The following CSMD2 variants were observed in gnomAD, a reference collection of about 807,000 sequenced individuals.
CSMD2 encodes the protein CUB and Sushi multiple domains 2.
Under a neutral mutation model 398.5 loss-of-function variants are expected in CSMD2, and 130 were observed. That is an observed-to-expected ratio of 0.33 (90% CI 0.28 to 0.38). CSMD2 has a LOEUF of 0.38. Among genes scored for constraint, CSMD2 ranks in the 10% least tolerant of loss-of-function variants. CSMD2 has a pLI of 1.00. For synonymous variants in CSMD2, 1,828 were observed against 1,908.5 expected (o/e 0.96, Z 1.10); for missense variants, 3,829 against 4,764.9 (o/e 0.80, Z 5.78).
chr1:33,701,369 A>G (rs1269748819), intron 22 of CSMD2, among the ~76,000 whole-genome samples: 2 of 152,210 alleles, frequency 1.3e-5, no homozygotes, highest in Non-Finnish European at 2.9e-5. Context: ...TAGTACCAGC[A>G]AAGACAACAA....
chr1:33,564,547 G>C (rs181260220), intron 53 of CSMD2, among the ~76,000 whole-genome samples: 4 of 152,314 alleles, frequency 2.6e-5, no homozygotes, highest in African/African-American at 7.2e-5. Context: ...ATCTGAAAGA[G>C]TGACTGAATA....
At position 33,972,126 on chromosome 1, in the gene CSMD2, C is replaced by T. The variant is rs529558259; in HGVS notation, c.518-36172G>A. Among the ~76,000 whole-genome samples the T allele has an allele frequency of 1.3e-4, 20 of 152,166 alleles. No homozygotes were observed. The South Asian group carries it at 4.2e-3, about 32-fold the overall frequency. ...GGTGGGAAACTGCAGAAACGGACTC[C>T]CTGGGGACTTCTGGACAGCAGAGGG... On this transcript the variant is annotated intron_variant, in intron 3 of 70. Coordinates refer to ENST00000373381, the MANE Select transcript of CSMD2 (RefSeq NM_001281956.2).
At chr1:33,609,336 G>A (rs1282294249) in intron 41 of CSMD2, among the ~76,000 whole-genome samples, 1 of 152,180 alleles carries the variant, frequency 6.6e-6, no homozygotes, top group Non-Finnish European at 1.5e-5. Context: ...ATTCTTCTCT[G>A]GCAAGGGAGG....
intron 2 of CSMD2, among the ~76,000 whole-genome samples, chr1:34,037,407 C>A (rs934756502): frequency 2.6e-5 from 4 of 152,226 alleles, no homozygotes; most frequent in African/African-American, 9.7e-5. Flanking sequence ...TTGACTTGCC[C>A]ATGCACCAGT....
At chr1:33,821,258 C>T (rs1368480908) in intron 7 of CSMD2, among the ~76,000 whole-genome samples, 1 of 152,172 alleles carries the variant, frequency 6.6e-6, no homozygotes, top group Non-Finnish European at 1.5e-5. Flanking sequence ...GTCCTATTTA[C>T]AAAAACCATA....
intron 15 of CSMD2, among the ~76,000 whole-genome samples, chr1:33,732,583 C>T (rs1179108074): frequency 6.6e-6 from 1 of 152,174 alleles, no homozygotes; most frequent in Non-Finnish European, 1.5e-5. Flanking sequence ...CCTGCCAGTA[C>T]CTTGATCTTG....
chr1:33,855,377 C>G (rs1176930272), intron 5 of CSMD2, among the ~76,000 whole-genome samples: 2 of 152,058 alleles, frequency 1.3e-5, no homozygotes, highest in Non-Finnish European at 2.9e-5. Flanking sequence ...TCCCTATGGC[C>G]CCCATTTGAG....
At chr1:33,994,677 C>T in intron 3 of CSMD2, among the ~76,000 whole-genome samples, 1 of 152,110 alleles carries the variant, frequency 6.6e-6, no homozygotes, top group East Asian at 1.9e-4. Context: ...ACCCTAGAAC[C>T]ACTTCCCTAA....
chr1:34,003,443 G>A (rs1646962122), intron 3 of CSMD2, among the ~76,000 whole-genome samples: 1 of 152,154 alleles, frequency 6.6e-6, no homozygotes, highest in African/African-American at 2.4e-5. Context: ...CACAAGCACA[G>A]CCTGCATCCA....
intron 41 of CSMD2, among the ~76,000 whole-genome samples, chr1:33,608,887 T>C (rs1640812912): frequency 6.6e-6 from 1 of 152,216 alleles, no homozygotes; most frequent in Non-Finnish European, 1.5e-5. Context: ...TACTTTCTTA[T>C]GGCAGCCCTA....
intron 3 of CSMD2, among the ~76,000 whole-genome samples, chr1:34,013,440 C>T (rs1342046372): frequency 6.6e-6 from 1 of 152,162 alleles, no homozygotes; most frequent in African/African-American, 2.4e-5. Flanking sequence ...CTCCTGAGAC[C>T]CCAAATCCCT....
intron 2 of CSMD2, among the ~76,000 whole-genome samples, chr1:34,057,770 G>T (rs1654015308): frequency 6.6e-6 from 1 of 152,120 alleles, no homozygotes; most frequent in Non-Finnish European, 1.5e-5. Context: ...TTTCCTGCAA[G>T]GACTGCAGAG....
chr1:33,994,033 G>A (rs1472930481), intron 3 of CSMD2, among the ~76,000 whole-genome samples: 2 of 152,140 alleles, frequency 1.3e-5, no homozygotes, highest in Non-Finnish European at 1.5e-5. Flanking sequence ...TTTTGCCCAT[G>A]GGTGGAGACA....
intron 15 of CSMD2, among the ~76,000 whole-genome samples, chr1:33,738,804 G>A (rs1360585940): frequency 6.6e-6 from 1 of 152,184 alleles, no homozygotes; most frequent in Non-Finnish European, 1.5e-5. Context: ...ATGCTACTTT[G>A]GGCTGCCGGA....
intron 5 of CSMD2, among the ~76,000 whole-genome samples, chr1:33,880,931 G>A (rs1479455945): frequency 6.6e-6 from 1 of 152,206 alleles, no homozygotes; most frequent in Non-Finnish European, 1.5e-5. Context: ...CCTGAAACAA[G>A]GAGAAAGGTA....
At chr1:33,686,174 C>T (rs1226631690) in intron 25 of CSMD2, among the ~76,000 whole-genome samples, 1 of 152,186 alleles carries the variant, frequency 6.6e-6, no homozygotes, top group Admixed American at 6.5e-5. Context: ...AGGGGCAGAA[C>T]CAAGAGCAAA....
At chr1:33,523,751 G>A (rs949620496) in intron 66 of CSMD2, among the ~76,000 whole-genome samples, 1 of 152,198 alleles carries the variant, frequency 6.6e-6, no homozygotes, top group African/African-American at 2.4e-5. Flanking sequence ...TTCAATGGGT[G>A]CAATAGTTCA....
chr1:33,597,821 G>GA (rs1326784806), intron 44 of CSMD2, among the ~76,000 whole-genome samples: 2 of 152,174 alleles, frequency 1.3e-5, no homozygotes, highest in African/African-American at 4.8e-5. Flanking sequence ...TGCTTGAAAT[G>GA]AAACAACTTA....
At chr1:33,543,460 GT>G (rs1656557987) in intron 57 of CSMD2, among the ~76,000 whole-genome samples, 1 of 152,240 alleles carries the variant, frequency 6.6e-6, no homozygotes, top group Admixed American at 6.5e-5. Context: ...CTGTAATCAA[GT>G]TCCGCCTTTT....
Sources: allele counts gnomAD v4.1 joint callset (sites outside exome capture counted in the v4.1 genomes callset), GRCh38; gene constraint gnomAD v4.1.1; transcripts MANE v1.5; gene names NCBI Gene and HGNC (gene_info 2026-07-23, HGNC 2026-07-21).